The following FERMT2 variants were observed in gnomAD, a reference collection of about 807,000 sequenced individuals.
FERMT2 encodes FERM domain containing kindlin 2, also known as fermitin family homolog 2.
Under a neutral mutation model 82.7 loss-of-function variants are expected in FERMT2, and 15 were observed. The ratio of observed to expected loss-of-function variants is 0.18; its 90% CI spans 0.12 to 0.28. The LOEUF (loss-of-function observed/expected upper bound fraction) is 0.28. Among genes scored for constraint, FERMT2 ranks in the 10% least tolerant of loss-of-function variants. The probability of loss-of-function intolerance (pLI) is 1.00; values close to 1 mark genes in which losing one functional copy is unlikely to be tolerated. For synonymous variants in FERMT2, 274 were observed against 271.5 expected, an observed-to-expected ratio of 1.01 and a Z score of -0.09; for missense variants, 645 against 809.4, an observed-to-expected ratio of 0.80 and a Z score of 2.46.
rs764476735 is a variant in FERMT2 at position 52,875,334 on chromosome 14, G to A, written c.987C>T (p.Ile329=). The change falls in exon 8 of 15, where the codon ATC becomes ATT. Residue 329 remains isoleucine (I), a synonymous_variant. Transcript: ENST00000341590. ...TGTTCAAATGATTCTCTGATGTCAT[G>A]ATTGACAGCTTATTGATATGATACT... ...ALQYHINKLS[I]MTSENHLNNS... 1 of 1,604,650 alleles carries A rather than the reference G, an allele frequency of 6.2e-7. No homozygotes were observed.
intron 4 of FERMT2, among the ~76,000 whole-genome samples, 165 bp downstream of exon 4, chr14:52,893,128 C>T (rs917625151): frequency 6.6e-6 from 1 of 152,194 alleles, no homozygotes; most frequent in East Asian, 1.9e-4. Flanking sequence ...TCCCAAGTAG[C>T]TGGGACTACA....
At chr14:52,876,619 T>G (rs1885970194) in intron 7 of FERMT2, among the ~76,000 whole-genome samples, 1 of 152,240 alleles carries the variant, frequency 6.6e-6, no homozygotes, top group Non-Finnish European at 1.5e-5. Context: ...ATACATACTC[T>G]GACTTAAATG....
intron 12 of FERMT2, chr14:52,861,586 C>T (rs1343768111): frequency 6.6e-6 from 1 of 152,622 alleles, no homozygotes; most frequent in African/African-American, 2.4e-5. Context: ...CCCTCAGTTA[C>T]CATGTGTTTT....
chr14:52,884,187 T>C (rs1886454970), intron 4 of FERMT2, among the ~76,000 whole-genome samples: 1 of 152,244 alleles, frequency 6.6e-6, no homozygotes, highest in Admixed American at 6.5e-5. Context: ...TATGTGATAA[T>C]AAACTCACTT....
At chr14:52,910,229 AT>A (rs1185550049) in intron 3 of FERMT2, among the ~76,000 whole-genome samples, 1 of 152,174 alleles carries the variant, frequency 6.6e-6, no homozygotes, top group African/African-American at 2.4e-5. Context: ...TTCCACTAGC[AT>A]TTTGTGCTTC....
At chr14:52,873,079 C>A (rs1425807105) in intron 9 of FERMT2, among the ~76,000 whole-genome samples, 156 bp from the exon 10 acceptor site, 1 of 152,194 alleles carries the variant, frequency 6.6e-6, no homozygotes, top group Admixed American at 6.5e-5. Flanking sequence ...GTCAGTGCTA[C>A]TGTTACTGGA....
intron 3 of FERMT2, among the ~76,000 whole-genome samples, chr14:52,907,217 T>G (rs1888064826): frequency 6.6e-6 from 1 of 152,170 alleles, no homozygotes; most frequent in Non-Finnish European, 1.5e-5. Context: ...TTCGCCATGT[T>G]GCACAGGCTG....
At chr14:52,904,252 C>T (rs898611392) in intron 3 of FERMT2, among the ~76,000 whole-genome samples, 7 of 151,568 alleles carry the variant, frequency 4.6e-5, no homozygotes, top group Admixed American at 6.6e-5. Context: ...CGCAGTGGCT[C>T]ACGCCTGTAA....
At chr14:52,946,808 G>A (rs9743850) in intron 2 of FERMT2, among the ~76,000 whole-genome samples, 1 of 152,102 alleles carries the variant, frequency 6.6e-6, no homozygotes, top group African/African-American at 2.4e-5. Flanking sequence ...AAGCAGCTGA[G>A]ATTCCAGGCA....
At chr14:52,888,875 TTAAGG>T (rs1886762357) in intron 4 of FERMT2, among the ~76,000 whole-genome samples, 1 of 152,176 alleles carries the variant, frequency 6.6e-6, no homozygotes, top group Non-Finnish European at 1.5e-5. Flanking sequence ...TTTTTTTTCT[TTAAGG>T]TAAACAAGGC....
chr14:52,893,814 T>G (rs1887096512), intron 3 of FERMT2, among the ~76,000 whole-genome samples: 1 of 145,430 alleles, frequency 6.9e-6, no homozygotes, highest in Non-Finnish European at 1.5e-5. Flanking sequence ...TTTTAAATCA[T>G]TACCAAATCC....
In FERMT2 at chr14:52,878,574, T is replaced by TCA; in HGVS notation, c.963+6_963+7dup. 1 of 1,580,630 alleles carries TCA rather than the reference T, an allele frequency of 6.3e-7. No individual in the cohort carries two copies. The highest frequency in any genetic ancestry group is 8.7e-7 in the Non-Finnish European group (1 of 1,154,480). On this transcript the variant is annotated splice_region_variant and intron_variant, in intron 7 of 14. Transcript: ENST00000341590. ...GAATAAGTCCCATTTACTAGACCTT[T>TCA]CAACTACCTGCAGGGCTGCAAACAT...
chr14:52,918,759 G>GA (rs755059749), intron 3 of FERMT2, among the ~76,000 whole-genome samples: 1 of 152,174 alleles, frequency 6.6e-6, no homozygotes, highest in Non-Finnish European at 1.5e-5. Context: ...GCCTTCAATG[G>GA]AGGAAGTGAC....
Position 52,858,321 on chromosome 14 carries a change from G to C in FERMT2, c.*56C>G. On this transcript the variant is annotated 3_prime_UTR_variant, in exon 15 of 15. Transcript: ENST00000341590. The stretch of plus-strand genomic sequence containing the variant: ...TTTATTAAGCAGCATATAACAAACA[G>C]CTTTTAAAGTTAAATATTGTTATGG... The C allele has an allele frequency of 6.8e-7, 1 of 1,464,392 alleles. No homozygotes were observed. Among genetic ancestry groups the C allele is most frequent in the Non-Finnish European group, 9.5e-7 (1 of 1,051,430 alleles). The allele number at this position is 1,464,392 out of a possible 1,614,324, so 90.7% of individuals were successfully genotyped here. A position where few individuals can be genotyped will look rare whatever the true frequency, so the allele number is the denominator to read the frequency against.
intron 3 of FERMT2, among the ~76,000 whole-genome samples, chr14:52,893,642 T>C (rs1478779216): frequency 1.3e-5 from 2 of 152,116 alleles, no homozygotes; most frequent in Non-Finnish European, 2.9e-5. Context: ...GACCTCAAAG[T>C]GGAAATAACA....
At chr14:52,934,609 T>C (rs1241714113) in intron 2 of FERMT2, among the ~76,000 whole-genome samples, 1 of 152,198 alleles carries the variant, frequency 6.6e-6, no homozygotes, top group East Asian at 1.9e-4. Flanking sequence ...TTCATCCTTT[T>C]TGTCATACCA....
In FERMT2 at chr14:52,927,592, TAAAA is replaced by T. The variant is rs71125150; in HGVS notation, c.158-8240_158-8237del. On this transcript the variant is annotated intron_variant, in intron 2 of 14. Coordinates refer to ENST00000341590, the MANE Select transcript of FERMT2 (RefSeq NM_006832.3). ...GCAACATAGCAAAACCTCATCCCTA[TAAAA>T]AAAAAAAAAAAAAAAAAAAAAAAAA... Among the ~76,000 whole-genome samples, 83 of 33,716 alleles carry T rather than the reference TAAAA, an allele frequency of 2.5e-3. 1 individual carries two copies. The highest frequency in any genetic ancestry group is 8.4e-3 in the African/African-American group (66 of 7,842). 22.1% of individuals were successfully genotyped at this position (33,716 alleles called of 152,430 possible).
chr14:52,860,957 T>G, intron 12 of FERMT2: 3 of 1,280,672 alleles, frequency 2.3e-6, no homozygotes, highest in Non-Finnish European at 3.3e-6. Flanking sequence ...GAGGGAAGGT[T>G]GTGGCTATGA....
intron 3 of FERMT2, among the ~76,000 whole-genome samples, chr14:52,911,864 G>A (rs1476072459): frequency 6.6e-6 from 1 of 152,078 alleles, no homozygotes; most frequent in African/African-American, 2.4e-5. Context: ...CCAATTAGCT[G>A]TTTTCTTATT....
Sources: gnomAD v4.1 joint callset for allele counts (sites outside exome capture counted in the v4.1 genomes callset) on GRCh38, gnomAD v4.1.1 for gene constraint, MANE v1.5 for transcripts, NCBI Gene and HGNC (gene_info 2026-07-23, HGNC 2026-07-21) for gene names.